KANSL1L: variants seen among roughly 807,000 people sequenced by gnomAD.
KANSL1L encodes KAT8 regulatory NSL complex subunit 1-like protein.
KANSL1L carries 25 observed loss-of-function variants against 108.6 expected under a neutral mutation model. The observed-to-expected ratio is 0.23, with a 90% CI of 0.17 to 0.32. KANSL1L has a LOEUF of 0.32. Ranked by LOEUF, KANSL1L falls within the 10% of genes least tolerant of loss-of-function variation. The pLI is 1.00. For synonymous variants in KANSL1L, 405 were observed against 395.1 expected (o/e 1.03, Z -0.30); for missense variants, 1,137 against 1,125.7 (o/e 1.01, Z -0.14).
At position 210,121,510 on chromosome 2, in the gene KANSL1L, G is replaced by A. The variant is rs979145390; in HGVS notation, c.1230+7521C>T. On this transcript the variant is annotated intron_variant, in intron 3 of 14. Coordinates refer to ENST00000281772, the MANE Select transcript of KANSL1L (RefSeq NM_152519.4). ...GGGCCTTTTGGAGAATGGAGGGTGCGAGGAGGGAGAGGATCAGGAAAAACA... is the reference window on the plus strand; with the variant it reads ...GGGCCTTTTGGAGAATGGAGGGTGCAAGGAGGGAGAGGATCAGGAAAAACA... Among the ~76,000 whole-genome samples the A allele has an allele frequency of 7.9e-5, 12 of 152,196 alleles. No individual in the cohort carries two copies. The East Asian group carries it at 1.7e-3, about 22-fold the overall frequency.
chr2:210,158,294 G>A (rs2095344437), intron 1 of KANSL1L, among the ~76,000 whole-genome samples: 1 of 152,156 alleles, frequency 6.6e-6, no homozygotes, highest in Non-Finnish European at 1.5e-5. Context: ...GAGCTAGAAA[G>A]ACCCACATGG....
chr2:210,042,858 T>C (rs1403542156), intron 7 of KANSL1L, among the ~76,000 whole-genome samples: 2 of 152,106 alleles, frequency 1.3e-5, no homozygotes, highest in Non-Finnish European at 2.9e-5. Context: ...AAAAACTAAA[T>C]TGAGATTCAG....
At chr2:210,037,390 T>G (rs1169632168) in intron 8 of KANSL1L, among the ~76,000 whole-genome samples, 3 of 152,206 alleles carry the variant, frequency 2.0e-5, no homozygotes, top group Admixed American at 1.3e-4. Context: ...GATGCATTTT[T>G]TTCCCTTTTG....
chr2:210,135,328 G>T (rs2095164343), intron 2 of KANSL1L, among the ~76,000 whole-genome samples: 1 of 152,132 alleles, frequency 6.6e-6, no homozygotes, highest in Non-Finnish European at 1.5e-5. Context: ...GAGGTACATG[G>T]ACATTTGGGT....
At chr2:210,083,093 T>C (rs964066341) in intron 5 of KANSL1L, among the ~76,000 whole-genome samples, 8 of 152,150 alleles carry the variant, frequency 5.3e-5, no homozygotes, top group South Asian at 4.1e-4. Context: ...CATGTAAAGA[T>C]AGAGGCAGAG....
At chr2:210,038,573 T>C (rs1263791413) in intron 8 of KANSL1L, among the ~76,000 whole-genome samples, 1 of 152,028 alleles carries the variant, frequency 6.6e-6, no homozygotes. Flanking sequence ...TCAAGTACAC[T>C]TACTTTTTCT....
chr2:210,134,139 G>A (rs1012499879), intron 2 of KANSL1L, among the ~76,000 whole-genome samples: 5 of 151,978 alleles, frequency 3.3e-5, no homozygotes, highest in Non-Finnish European at 7.4e-5. Context: ...AGTTAGCAGT[G>A]ATTTTTATTT....
intron 2 of KANSL1L, among the ~76,000 whole-genome samples, chr2:210,138,965 G>A (rs1439678729): frequency 6.6e-6 from 1 of 151,994 alleles, no homozygotes; most frequent in African/African-American, 2.4e-5. Flanking sequence ...CAGGTGTGGT[G>A]GCAGGTGTCT....
rs1237721411 is a variant in KANSL1L, at chr2:210,022,036, G to A, written c.*913C>T. The A allele has an allele frequency of 2.7e-5, 4 of 148,642 alleles. No individual in the cohort carries two copies. In the East Asian group the frequency reaches 5.8e-4, roughly 22 times the overall value. The allele number at this position is 148,642 out of a possible 1,614,324, so 9.2% of individuals were successfully genotyped here. The stretch of plus-strand genomic sequence containing the variant: ...TTTTTTTCAAATTTTATACTGATAG[G>A]GCTTTACTGTTTGTGGCTCATTTTA... On this transcript the variant is annotated 3_prime_UTR_variant, in exon 15 of 15. Coordinates refer to ENST00000281772, the MANE Select transcript of KANSL1L (RefSeq NM_152519.4).
intron 3 of KANSL1L, among the ~76,000 whole-genome samples, chr2:210,125,991 A>C (rs2095062306): frequency 6.6e-6 from 1 of 152,236 alleles, no homozygotes; most frequent in African/African-American, 2.4e-5. Context: ...GCAATTAAGC[A>C]AGAAAAAGAA....
intron 5 of KANSL1L, among the ~76,000 whole-genome samples, chr2:210,076,430 GCC>G (rs1291029406): frequency 6.6e-6 from 1 of 152,010 alleles, no homozygotes; most frequent in Non-Finnish European, 1.5e-5. Flanking sequence ...CAGGTGATCC[GCC>G]CATCTTGGCC....
At chr2:210,107,213 A>C (rs767258306) in intron 3 of KANSL1L, among the ~76,000 whole-genome samples, 5 of 152,068 alleles carry the variant, frequency 3.3e-5, no homozygotes, top group Non-Finnish European at 7.4e-5. Flanking sequence ...TAAATTCACT[A>C]AAGTTAATTT....
intron 1 of KANSL1L, among the ~76,000 whole-genome samples, chr2:210,169,221 G>C (rs1409202376): frequency 6.6e-6 from 1 of 151,984 alleles, no homozygotes; most frequent in Non-Finnish European, 1.5e-5. Flanking sequence ...ATCTAAGGGG[G>C]GGAAATTTCA....
intron 6 of KANSL1L, among the ~76,000 whole-genome samples, chr2:210,045,220 T>C (rs946627836): frequency 1.3e-5 from 2 of 152,220 alleles, no homozygotes; most frequent in African/African-American, 4.8e-5. Context: ...ATTTCATTGA[T>C]TCCTACTTTG....
chr2:210,057,784 T>C (rs891493290), intron 6 of KANSL1L, among the ~76,000 whole-genome samples: 2 of 152,240 alleles, frequency 1.3e-5, no homozygotes, highest in South Asian at 4.1e-4. Flanking sequence ...CGAACATAAA[T>C]TGTGAAGATT....
chr2:210,154,607 G>C lies in KANSL1L; in HGVS notation c.-25C>G. ...TGGCGATTCCTGTAGATAAGTATTG[G>C]AAACCTACAATAATGTAAAAATAAA... On this transcript the variant is annotated 5_prime_UTR_variant, in exon 2 of 15. Transcript: ENST00000281772. 7.0e-7 allele frequency: 1 copy of C among 1,429,470 alleles called. No homozygotes were observed. Among genetic ancestry groups the C allele is most frequent in the Non-Finnish European group, 9.2e-7 (1 of 1,086,786 alleles). The allele number at this position is 1,429,470 out of a possible 1,614,324, so 88.5% of individuals were successfully genotyped here. A position where few individuals can be genotyped will look rare whatever the true frequency, so the allele number is the denominator to read the frequency against.
intron 3 of KANSL1L, among the ~76,000 whole-genome samples, chr2:210,113,346 A>G (rs2094926524): frequency 6.6e-6 from 1 of 152,236 alleles, no homozygotes; most frequent in Non-Finnish European, 1.5e-5. Flanking sequence ...GTGCAGGCTC[A>G]GAAAAAATAA....
chr2:210,029,650 A>G (rs1180828080), intron 10 of KANSL1L, among the ~76,000 whole-genome samples, 153 bp downstream of exon 10: 3 of 145,356 alleles, frequency 2.1e-5, no homozygotes, highest in African/African-American at 7.5e-5. Flanking sequence ...AGTTGTATGA[A>G]TCAAATATAT....
chr2:210,143,408 T>C (rs573809350), intron 2 of KANSL1L, among the ~76,000 whole-genome samples: 2 of 152,294 alleles, frequency 1.3e-5, no homozygotes, highest in South Asian at 4.1e-4. Context: ...ACTGACTATA[T>C]ATGTTTTTAA....
Sources: allele counts gnomAD v4.1 joint callset (sites outside exome capture counted in the v4.1 genomes callset), GRCh38; gene constraint gnomAD v4.1.1; transcripts MANE v1.5; gene names NCBI Gene and HGNC (gene_info 2026-07-23, HGNC 2026-07-21).